UGT3A1: variants seen among roughly 807,000 people sequenced by gnomAD.
UGT3A1 encodes the protein UDP glycosyltransferase family 3 member A1, also known as UDP-glycosyltransferase 3A1.
UGT3A1 carries 40 observed loss-of-function variants against 37.6 expected under a neutral mutation model. The ratio of observed to expected loss-of-function variants is 1.06; its 90% CI spans 0.83 to 1.38. The LOEUF is 1.38. Ranked by LOEUF, UGT3A1 falls within the 40% of genes most tolerant of loss-of-function variation. UGT3A1 has a pLI of 0.00. For missense variants in UGT3A1, 642 were observed against 634.2 expected, an observed-to-expected ratio of 1.01 and a Z score of -0.13; for synonymous variants, 256 against 232.3, an observed-to-expected ratio of 1.10 and a Z score of -0.93.
At position 35,954,127 on chromosome 5, in the gene UGT3A1, G is replaced by A. The variant is rs1226062260; in HGVS notation, c.*75C>T. The stretch of plus-strand genomic sequence containing the variant: ...GTGGAGCTGAAGAGAGAACAGAGGG[G>A]TGGCGTGTGCTGGGGTGGGGAGAAC... On this transcript the variant is annotated 3_prime_UTR_variant, in exon 7 of 7. Transcript: ENST00000274278. The A allele has an allele frequency of 1.1e-5, 17 of 1,488,288 alleles. No individual in the cohort carries two copies. The highest frequency in any genetic ancestry group is 1.8e-6 in the Non-Finnish European group (2 of 1,088,080). The allele number at this position is 1,488,288 out of a possible 1,614,324, so 92.2% of individuals were successfully genotyped here. A position where few individuals can be genotyped will look rare whatever the true frequency, so the allele number is the denominator to read the frequency against.
At chr5:35,981,366 C>G (rs1740515694) in intron 2 of UGT3A1, among the ~76,000 whole-genome samples, 1 of 152,082 alleles carries the variant, frequency 6.6e-6, no homozygotes, top group Non-Finnish European at 1.5e-5. Context: ...TGATTTTGAC[C>G]AAAATGCTGA....
intron 5 of UGT3A1, among the ~76,000 whole-genome samples, chr5:35,956,402 T>C (rs1739358703): frequency 6.6e-6 from 1 of 152,234 alleles, no homozygotes; most frequent in Admixed American, 6.5e-5. Flanking sequence ...TCGAATCTAC[T>C]TGTGTTCCTT....
At chr5:35,969,370 C>T (rs1028814589) in intron 2 of UGT3A1, among the ~76,000 whole-genome samples, 41 of 152,088 alleles carry the variant, frequency 2.7e-4, no homozygotes, top group African/African-American at 9.9e-4. Context: ...CAATTTAAGC[C>T]TTGGGTCTCT....
Position 35,951,822 on chromosome 5 carries a change from T to C in UGT3A1, c.*2380A>G, listed in dbSNP as rs865994285. 1 of 152,200 alleles carries C rather than the reference T, an allele frequency of 6.6e-6. No homozygotes were observed. Among genetic ancestry groups the C allele is most frequent in the African/African-American group, 2.4e-5 (1 of 41,446 alleles). The allele number at this position is 152,200 out of a possible 1,614,324, so 9.4% of individuals were successfully genotyped here. A position where few individuals can be genotyped will look rare whatever the true frequency, so the allele number is the denominator to read the frequency against. On this transcript the variant is annotated 3_prime_UTR_variant, in exon 7 of 7. Coordinates refer to ENST00000274278, the MANE Select transcript of UGT3A1 (RefSeq NM_152404.4). ...TCTTAGACTCAGCATGGTATCATTT[T>C]TTGTACCTAGATATCTGGTGTATAG... is the stretch of plus-strand genomic sequence containing the variant.
At chr5:35,971,844 C>A (rs376042100) in intron 2 of UGT3A1, among the ~76,000 whole-genome samples, 4 of 152,128 alleles carry the variant, frequency 2.6e-5, no homozygotes, top group African/African-American at 9.7e-5. Context: ...GGTGGGGGCT[C>A]CCTTCTACCA....
In UGT3A1 at chr5:35,952,152, G is replaced by A. The variant is rs1206186822; in HGVS notation, c.*2050C>T. ...AATGACACTGGATACTGACAGATAAGCAGAAGTTTCTCATTCCAGCAAGAA... is the reference window on the plus strand; with the variant it reads ...AATGACACTGGATACTGACAGATAAACAGAAGTTTCTCATTCCAGCAAGAA... On this transcript the variant is annotated 3_prime_UTR_variant, in exon 7 of 7. Coordinates refer to ENST00000274278, the MANE Select transcript of UGT3A1 (RefSeq NM_152404.4). 1 of 152,246 alleles carries A rather than the reference G, an allele frequency of 6.6e-6. No homozygotes were observed. Among genetic ancestry groups the A allele is most frequent in the South Asian group, 2.1e-4 (1 of 4,834 alleles). 9.4% of individuals were successfully genotyped at this position (152,246 alleles called of 1,614,324 possible).
At chr5:35,991,475 T>C (rs914765962), upstream of UGT3A1, 1 of 1,353,604 alleles carries the variant, frequency 7.4e-7, no homozygotes, top group Non-Finnish European at 9.5e-7. Flanking sequence ...CTACCTGAAG[T>C]CAGTAGGAGG....
chr5:35,980,046 C>A (rs1254486806), intron 2 of UGT3A1, among the ~76,000 whole-genome samples: 3 of 152,190 alleles, frequency 2.0e-5, no homozygotes, highest in Non-Finnish European at 2.9e-5. Flanking sequence ...TATGGGAATT[C>A]AAGATGAGAT....
chr5:35,993,475 A>AC (rs2111572570), upstream of UGT3A1, among the ~76,000 whole-genome samples: 1 of 151,966 alleles, frequency 6.6e-6, no homozygotes, highest in South Asian at 2.1e-4. Flanking sequence ...AAAAAAAAAA[A>AC]TGCAGATTCA....
intron 4 of UGT3A1, among the ~76,000 whole-genome samples, chr5:35,963,937 G>A (rs1739692699): frequency 6.6e-6 from 1 of 152,170 alleles, no homozygotes; most frequent in Non-Finnish European, 1.5e-5. Flanking sequence ...CACCTTTAGT[G>A]GCTGAGCCAA....
intron 4 of UGT3A1, chr5:35,962,972 G>A (rs2149957239): frequency 1.4e-6 from 1 of 702,372 alleles, no homozygotes; most frequent in South Asian, 1.5e-5. Flanking sequence ...GGGAAATAGA[G>A]GTGTCCCTCA....
At chr5:35,986,092 A>T (rs1740718348) in intron 2 of UGT3A1, among the ~76,000 whole-genome samples, 1 of 152,234 alleles carries the variant, frequency 6.6e-6, no homozygotes, top group Non-Finnish European at 1.5e-5. Flanking sequence ...AATGTTCACC[A>T]TTATTTATCC....
rs1026490198 is a variant in UGT3A1, at chr5:35,954,144, G to T, written c.*58C>A. 21 of 1,565,036 alleles carry T rather than the reference G, an allele frequency of 1.3e-5. No homozygotes were observed. The highest frequency in any genetic ancestry group is 1.8e-5 in the Non-Finnish European group (21 of 1,149,376). Reference sequence around the variant, plus strand: ...ACAGAGGGGTGGCGTGTGCTGGGGTGGGGAGAACCTTCAAAGGACCAGGGA... The same window carrying T: ...ACAGAGGGGTGGCGTGTGCTGGGGTTGGGAGAACCTTCAAAGGACCAGGGA... On this transcript the variant is annotated 3_prime_UTR_variant, in exon 7 of 7. Coordinates refer to ENST00000274278, the MANE Select transcript of UGT3A1 (RefSeq NM_152404.4).
intron 4 of UGT3A1, among the ~76,000 whole-genome samples, chr5:35,960,457 T>A (rs1281919240): frequency 6.6e-6 from 1 of 151,800 alleles, no homozygotes; most frequent in African/African-American, 2.4e-5. Context: ...GTGACAAGGG[T>A]GTGGCTTGTC....
intron 4 of UGT3A1, among the ~76,000 whole-genome samples, chr5:35,963,825 G>T (rs1056340088): frequency 3.9e-5 from 6 of 152,198 alleles, no homozygotes; most frequent in Non-Finnish European, 2.9e-5. Flanking sequence ...GAAGGGAGGG[G>T]TTAAGGAGAG....
chr5:35,965,638 G>C lies in UGT3A1; in HGVS notation c.591C>G (p.Phe197Leu), dbSNP rs958465777. 4.3e-6 allele frequency: 7 copies of C among 1,614,174 alleles called. No individual in the cohort carries two copies. The highest frequency in any genetic ancestry group is 5.9e-6 in the Non-Finnish European group (7 of 1,180,034). The change falls in exon 4 of 7, where the codon TTC becomes TTG. Residue 197 changes from phenylalanine (F) to leucine (L), a missense_variant. Transcript: ENST00000274278. ...FPSLLTDHMD[F>L]WGRVKNFLMF... Reference sequence around the variant, plus strand: ...TCAGAAAATTCTTCACTCGGCCCCAGAAGTCCATGTGATCAGTCAGCAAGG... The same window carrying C: ...TCAGAAAATTCTTCACTCGGCCCCACAAGTCCATGTGATCAGTCAGCAAGG...
At chr5:35,987,815 C>A (rs1740784943) in intron 2 of UGT3A1, among the ~76,000 whole-genome samples, 1 of 152,148 alleles carries the variant, frequency 6.6e-6, no homozygotes, top group South Asian at 2.1e-4. Flanking sequence ...TGACATTAAA[C>A]AAATTTTTTC....
chr5:35,988,572 C>A (rs944742177), intron 1 of UGT3A1, 21 bp from the exon 2 acceptor site: 1 of 1,563,230 alleles, frequency 6.4e-7, no homozygotes, highest in Non-Finnish European at 8.7e-7. Flanking sequence ...TGCACAATGT[C>A]TTTTGTAAAG....
intron 4 of UGT3A1, among the ~76,000 whole-genome samples, chr5:35,959,738 AT>A (rs1442358886): frequency 2.0e-5 from 3 of 152,156 alleles, no homozygotes; most frequent in African/African-American, 7.2e-5. Flanking sequence ...AAGAAAGGCT[AT>A]TTGAAGAAAT....
Sources: allele counts gnomAD v4.1 joint callset (sites outside exome capture counted in the v4.1 genomes callset), GRCh38; gene constraint gnomAD v4.1.1; transcripts MANE v1.5; gene names NCBI Gene and HGNC (gene_info 2026-07-23, HGNC 2026-07-21).